TMEM132D: variants seen among roughly 807,000 people sequenced by gnomAD.
TMEM132D encodes the protein mature OL transmembrane protein.
TMEM132D carries 21 observed loss-of-function variants against 62.3 expected under a neutral mutation model. That is an observed-to-expected ratio of 0.34 (90% CI 0.24 to 0.49). The LOEUF is 0.49. Among genes scored for constraint, TMEM132D ranks in the 20% least tolerant of loss-of-function variants. The pLI is 0.99. For synonymous variants in TMEM132D, 621 were observed against 575.6 expected (o/e 1.08, Z -1.13); for missense variants, 1,346 against 1,402.8 (o/e 0.96, Z 0.65).
intron 1 of TMEM132D, among the ~76,000 whole-genome samples, chr12:129,786,085 C>T (rs1181745597): frequency 6.6e-6 from 1 of 152,070 alleles, no homozygotes; most frequent in Non-Finnish European, 1.5e-5. Context: ...CCAGTTTGTG[C>T]CCCTCTCAGC....
At chr12:129,327,486 A>T (rs1281502840) in intron 4 of TMEM132D, among the ~76,000 whole-genome samples, 1 of 152,134 alleles carries the variant, frequency 6.6e-6, no homozygotes, top group Non-Finnish European at 1.5e-5. Context: ...GAACCCAATA[A>T]CCCACATGTG....
At chr12:129,638,628 T>C (rs1475941495) in intron 2 of TMEM132D, among the ~76,000 whole-genome samples, 3 of 139,024 alleles carry the variant, frequency 2.2e-5, no homozygotes, top group Non-Finnish European at 4.7e-5. Flanking sequence ...TATATATATA[T>C]ATATATGCTG....
chr12:129,505,427 T>C lies in TMEM132D; in HGVS notation c.1115+25632A>G, dbSNP rs1243711169. 2.0e-5 allele frequency among the ~76,000 whole-genome samples: 3 copies of C among 152,056 alleles called. No homozygotes were observed. The East Asian group carries it at 5.8e-4, about 29-fold the overall frequency. On this transcript the variant is annotated intron_variant, in intron 3 of 8. Coordinates refer to ENST00000422113, the MANE Select transcript of TMEM132D (RefSeq NM_133448.3). ...CCGGCTAATTTTTTTGTATTTTTAGTAGAGATGGGGTTTCGCCATGTTAGC... is the reference window on the plus strand; with the variant it reads ...CCGGCTAATTTTTTTGTATTTTTAGCAGAGATGGGGTTTCGCCATGTTAGC...
intron 4 of TMEM132D, among the ~76,000 whole-genome samples, chr12:129,221,432 T>C (rs959223346): frequency 2.0e-5 from 3 of 152,196 alleles, no homozygotes; most frequent in Admixed American, 2.0e-4. Context: ...ACTTTCCAAA[T>C]TCAGCTTCAG....
intron 3 of TMEM132D, among the ~76,000 whole-genome samples, chr12:129,416,233 G>C (rs1872117160): frequency 6.6e-6 from 1 of 152,122 alleles, no homozygotes; most frequent in Non-Finnish European, 1.5e-5. Context: ...TTATTTCCTT[G>C]AGCAGTGGTT....
intron 4 of TMEM132D, among the ~76,000 whole-genome samples, chr12:129,230,645 G>A (rs1184750105): frequency 6.6e-6 from 1 of 152,212 alleles, no homozygotes; most frequent in Non-Finnish European, 1.5e-5. Flanking sequence ...GTCCCAGGGT[G>A]TTGATGTTCT....
chr12:129,453,272 C>T (rs963256780), intron 3 of TMEM132D, among the ~76,000 whole-genome samples: 8 of 152,144 alleles, frequency 5.3e-5, no homozygotes, highest in African/African-American at 1.9e-4. Context: ...TCTAAGAAGG[C>T]GTGCCTACTA....
chr12:129,546,827 T>C (rs1221695253), intron 2 of TMEM132D, among the ~76,000 whole-genome samples: 1 of 151,322 alleles, frequency 6.6e-6, no homozygotes, highest in African/African-American at 2.4e-5. Context: ...AGAAAAAAGC[T>C]GTAGACAAGG....
chr12:129,570,614 C>T (rs1428007888), intron 2 of TMEM132D, among the ~76,000 whole-genome samples: 1 of 152,178 alleles, frequency 6.6e-6, no homozygotes, highest in Admixed American at 6.5e-5. Flanking sequence ...CTGATCGGGG[C>T]TGCTGTTAGG....
intron 2 of TMEM132D, among the ~76,000 whole-genome samples, chr12:129,677,381 C>T (rs533227511): frequency 5.9e-5 from 9 of 152,306 alleles, no homozygotes; most frequent in African/African-American, 1.9e-4. Flanking sequence ...GAGGCCTCCC[C>T]AACCATGTGG....
intron 3 of TMEM132D, among the ~76,000 whole-genome samples, chr12:129,395,193 C>T (rs1347383297): frequency 6.6e-6 from 1 of 151,998 alleles, no homozygotes; most frequent in African/African-American, 2.4e-5. Flanking sequence ...TAGATGGGTG[C>T]AAATGGAAAT....
chr12:129,181,033 C>T (rs982547619), intron 5 of TMEM132D, among the ~76,000 whole-genome samples: 3 of 152,036 alleles, frequency 2.0e-5, no homozygotes, highest in Non-Finnish European at 4.4e-5. Context: ...AGGATGCTGC[C>T]ATTATCGGGG....
In TMEM132D at chr12:129,336,831, G is replaced by C. The variant is rs147599920; in HGVS notation, c.1299+803C>G. Among the ~76,000 whole-genome samples, 352 of 152,320 alleles carry C rather than the reference G, an allele frequency of 2.3e-3. 2 individuals are homozygous for C. The highest frequency in any genetic ancestry group is 8.2e-3 in the African/African-American group (339 of 41,570). ...AGGGCAGCAGCAGGAGGTGCTCAGG[G>C]AGAGCTGCTCAGTCTCCTCAGACCA... On this transcript the variant is annotated intron_variant, in intron 4 of 8. Transcript: ENST00000422113.
chr12:129,204,670 TG>T (rs1451669284), intron 5 of TMEM132D, among the ~76,000 whole-genome samples: 1 of 152,088 alleles, frequency 6.6e-6, no homozygotes. Context: ...ATTCAGGAAA[TG>T]TAGAGCACCC....
At chr12:129,145,754 A>G (rs1398136889) in intron 5 of TMEM132D, among the ~76,000 whole-genome samples, 1 of 152,138 alleles carries the variant, frequency 6.6e-6, no homozygotes, top group African/African-American at 2.4e-5. Flanking sequence ...CTGTGAAGTC[A>G]TCCTTCCCCC....
chr12:129,342,409 T>C (rs1269725435), intron 3 of TMEM132D, among the ~76,000 whole-genome samples: 2 of 151,206 alleles, frequency 1.3e-5, no homozygotes, highest in Non-Finnish European at 2.9e-5. Flanking sequence ...CCTTACACTG[T>C]ATACAAAAAT....
intron 2 of TMEM132D, among the ~76,000 whole-genome samples, chr12:129,630,643 T>C (rs1389177117): frequency 6.6e-6 from 1 of 152,192 alleles, no homozygotes; most frequent in Non-Finnish European, 1.5e-5. Flanking sequence ...ATAACTGATA[T>C]TTATTCAATA....
At chr12:129,321,740 T>TAATAGAG (rs1430023895) in intron 4 of TMEM132D, among the ~76,000 whole-genome samples, 5 of 152,092 alleles carry the variant, frequency 3.3e-5, no homozygotes, top group Admixed American at 1.3e-4. Flanking sequence ...TTTGTATTTT[T>TAATAGAG]AGTAGAGACG....
intron 1 of TMEM132D, among the ~76,000 whole-genome samples, chr12:129,832,035 CTTTT>C (rs71085577): frequency 1.1e-5 from 1 of 94,174 alleles, no homozygotes; most frequent in Admixed American, 1.2e-4. Context: ...ATGCCCGGCT[CTTTT>C]TTTTTTTTTT....
Sources: allele counts gnomAD v4.1 joint callset (sites outside exome capture counted in the v4.1 genomes callset), GRCh38; gene constraint gnomAD v4.1.1; transcripts MANE v1.5; gene names NCBI Gene and HGNC (gene_info 2026-07-23, HGNC 2026-07-21).